The following PAPPA2 variants were observed in gnomAD, a reference collection of about 807,000 sequenced individuals.
PAPPA2 encodes pappalysin-2.
In PAPPA2, 86 loss-of-function variants were observed where a neutral mutation model predicts 176.4. The ratio of observed to expected loss-of-function variants is 0.49; its 90% confidence interval spans 0.41 to 0.58. The LOEUF (loss-of-function observed/expected upper bound fraction) is 0.58, where lower values mean the gene tolerates loss of function less well. Among genes scored for constraint, PAPPA2 ranks in the 20% least tolerant of loss-of-function variants. The pLI, the probability that PAPPA2 is intolerant of heterozygous loss-of-function variation, is 0.00. For synonymous variants in PAPPA2, 809 were observed against 852.2 expected, an observed-to-expected ratio of 0.95 and a Z score of 0.88; for missense variants, 2,073 against 2,256.9, an observed-to-expected ratio of 0.92 and a Z score of 1.65.
chr1:176,640,917 G>C (rs1230865329), intron 3 of PAPPA2, among the ~76,000 whole-genome samples: 1 of 152,140 alleles, frequency 6.6e-6, no homozygotes, highest in African/African-American at 2.4e-5. Flanking sequence ...TTGTGGTTTT[G>C]ATTTGCATTT....
intron 21 of PAPPA2, among the ~76,000 whole-genome samples, chr1:176,827,626 A>G (rs886317863): frequency 6.6e-6 from 1 of 152,106 alleles, no homozygotes; most frequent in Non-Finnish European, 1.5e-5. Flanking sequence ...CCATTTACCT[A>G]TGATTTCTTT....
chr1:176,699,203 C>G lies in PAPPA2; in HGVS notation c.2850C>G (p.Gly950=), dbSNP rs565495824. ...MNMTVPCPTE[G]CSLELLFQHP... is the part of the protein sequence containing the mutation. ...TGACGGTCCCCTGCCCCACAGAAGG[C>G]TGTAGCTTGGAGCTGCTCTTCCAAC... The change falls in exon 8 of 23, where the codon GGC becomes GGG. Residue 950 remains glycine (G), a synonymous_variant. Coordinates refer to ENST00000367662, the MANE Select transcript of PAPPA2 (RefSeq NM_020318.3). 1 of 1,614,184 alleles carries G rather than the reference C, an allele frequency of 6.2e-7. No homozygotes were observed. The highest frequency in any genetic ancestry group is 8.5e-7 in the Non-Finnish European group (1 of 1,180,010).
chr1:176,783,642 C>T (rs1427721347), intron 17 of PAPPA2, among the ~76,000 whole-genome samples: 1 of 152,228 alleles, frequency 6.6e-6, no homozygotes, highest in East Asian at 1.9e-4. Flanking sequence ...CCCCTAACCC[C>T]GACTCCTCGT....
chr1:176,494,493 A>C (rs1489965428), intron 1 of PAPPA2, among the ~76,000 whole-genome samples: 1 of 152,180 alleles, frequency 6.6e-6, no homozygotes, highest in Admixed American at 6.5e-5. Flanking sequence ...TGGGGATTAC[A>C]TTTGCAACTT....
intron 2 of PAPPA2, among the ~76,000 whole-genome samples, chr1:176,573,571 A>G (rs374831627): frequency 2.0e-5 from 3 of 152,192 alleles, no homozygotes; most frequent in Admixed American, 2.0e-4. Flanking sequence ...TTACTCAGGA[A>G]GTTTCTCTTT....
chr1:176,697,119 TA>T (rs974554967), intron 7 of PAPPA2, among the ~76,000 whole-genome samples: 1 of 152,180 alleles, frequency 6.6e-6, no homozygotes, highest in African/African-American at 2.4e-5. Context: ...TTTTCCTTTT[TA>T]TTTCTAGGGG....
At chr1:176,636,158 A>G (rs948674859) in intron 3 of PAPPA2, among the ~76,000 whole-genome samples, 7 of 152,168 alleles carry the variant, frequency 4.6e-5, no homozygotes, top group African/African-American at 1.7e-4. Flanking sequence ...AATAAACACA[A>G]TAGTATAGTG....
chr1:176,776,086 A>G (rs1488850975), intron 17 of PAPPA2, among the ~76,000 whole-genome samples: 2 of 152,128 alleles, frequency 1.3e-5, no homozygotes, highest in East Asian at 3.9e-4. Flanking sequence ...ACACATCATC[A>G]TTAATCACTC....
intron 12 of PAPPA2, among the ~76,000 whole-genome samples, chr1:176,715,463 G>A (rs1661327348): frequency 6.6e-6 from 1 of 152,162 alleles, no homozygotes; most frequent in Non-Finnish European, 1.5e-5. Flanking sequence ...GGCTGCAAAG[G>A]GTAGACATCA....
At chr1:176,739,584 C>A in intron 12 of PAPPA2, 42 bp from the exon 13 acceptor site, 1 of 1,583,194 alleles carries the variant, frequency 6.3e-7, no homozygotes. Flanking sequence ...CTTGATAGCT[C>A]AATGGAAATA....
intron 2 of PAPPA2, among the ~76,000 whole-genome samples, chr1:176,581,659 A>G (rs1010308526): frequency 6.6e-6 from 1 of 152,062 alleles, no homozygotes; most frequent in African/African-American, 2.4e-5. Flanking sequence ...TTTTCCTTGT[A>G]GAGATCTTTT....
chr1:176,715,009 C>T (rs1340886681), intron 12 of PAPPA2, among the ~76,000 whole-genome samples: 1 of 152,100 alleles, frequency 6.6e-6, no homozygotes, highest in Admixed American at 6.5e-5. Flanking sequence ...TCATGGCCAT[C>T]TCCCCAGACC....
At chr1:176,811,171 A>G (rs1048573881) in intron 21 of PAPPA2, among the ~76,000 whole-genome samples, 1 of 152,216 alleles carries the variant, frequency 6.6e-6, no homozygotes, top group African/African-American at 2.4e-5. Context: ...TCACTTGAGT[A>G]TGTCTCTATG....
At chr1:176,574,270 TA>T (rs1652518160) in intron 2 of PAPPA2, among the ~76,000 whole-genome samples, 1 of 152,222 alleles carries the variant, frequency 6.6e-6, no homozygotes, top group African/African-American at 2.4e-5. Flanking sequence ...GCATAATAAG[TA>T]CTGTTTTACA....
rs574822281 is a variant in PAPPA2, at chr1:176,514,997, G to C, written c.-916-40410G>C. On this transcript the variant is annotated intron_variant, in intron 1 of 22. Transcript: ENST00000367662. ...GATCACAGTGAATACGTTGGCCTCT[G>C]GAGTCCAAATACCTTGCTGCTAATC... Among the ~76,000 whole-genome samples the C allele has an allele frequency of 5.3e-5, 8 of 152,250 alleles. No homozygotes were observed. In the South Asian group the frequency reaches 1.7e-3, roughly 32 times the overall value.
At chr1:176,705,991 T>G (rs986869912) in intron 9 of PAPPA2, among the ~76,000 whole-genome samples, 2 of 152,216 alleles carry the variant, frequency 1.3e-5, no homozygotes, top group African/African-American at 4.8e-5. Context: ...CTTACCATCA[T>G]CAGCTATTTT....
intron 21 of PAPPA2, among the ~76,000 whole-genome samples, chr1:176,837,256 A>G (rs1667307093): frequency 6.6e-6 from 1 of 152,108 alleles, no homozygotes; most frequent in Non-Finnish European, 1.5e-5. Flanking sequence ...CATACGTCAT[A>G]AGAAGAGTAG....
chr1:176,707,165 A>C lies in PAPPA2; in HGVS notation c.3457+715A>C, dbSNP rs374877021. On this transcript the variant is annotated intron_variant, in intron 10 of 22. Coordinates refer to ENST00000367662, the MANE Select transcript of PAPPA2 (RefSeq NM_020318.3). ...GATTGCAATGATTTGGTAGAGGATAACCACACATTGAAGTTTTTAAAATAG... is the reference window on the plus strand; with the variant it reads ...GATTGCAATGATTTGGTAGAGGATACCCACACATTGAAGTTTTTAAAATAG... Among the ~76,000 whole-genome samples, 33 of 152,316 alleles carry C rather than the reference A, an allele frequency of 2.2e-4. No homozygotes were observed. In the South Asian group the frequency reaches 6.2e-3, roughly 29 times the overall value.
At chr1:176,799,742 G>T (rs1293532029) in intron 20 of PAPPA2, among the ~76,000 whole-genome samples, 1 of 152,184 alleles carries the variant, frequency 6.6e-6, no homozygotes, top group Non-Finnish European at 1.5e-5. Flanking sequence ...CCTGAAACCA[G>T]ATGAAACTCA....
Sources: gnomAD v4.1 joint callset for allele counts (sites outside exome capture counted in the v4.1 genomes callset) on GRCh38, gnomAD v4.1.1 for gene constraint, MANE v1.5 for transcripts, NCBI Gene and HGNC (gene_info 2026-07-23, HGNC 2026-07-21) for gene names.